NAALAD2: variants seen among roughly 807,000 people sequenced by gnomAD.
The protein encoded by NAALAD2 is N-acetylated-alpha-linked acidic dipeptidase 2.
In NAALAD2, 89 loss-of-function variants were observed where a neutral mutation model predicts 95.6. The observed-to-expected ratio is 0.93, with a 90% CI of 0.78 to 1.11. The LOEUF (loss-of-function observed/expected upper bound fraction) is 1.11. Ranked by LOEUF, NAALAD2 falls within the 50% of genes least tolerant of loss-of-function variation. NAALAD2 has a pLI of 0.00. For synonymous variants in NAALAD2, 264 were observed against 294.4 expected, an observed-to-expected ratio of 0.90 and a Z score of 1.06; for missense variants, 894 against 872.4, an observed-to-expected ratio of 1.02 and a Z score of -0.31.
intron 6 of NAALAD2, among the ~76,000 whole-genome samples, chr11:90,156,007 G>T (rs1418884739): frequency 1.3e-5 from 2 of 150,306 alleles, no homozygotes; most frequent in East Asian, 1.9e-4. Context: ...CATCTAACTT[G>T]CTGAATTTAT....
chr11:90,168,299 ACACT>A (rs1316276353), intron 11 of NAALAD2, among the ~76,000 whole-genome samples: 4 of 152,316 alleles, frequency 2.6e-5, no homozygotes, highest in South Asian at 2.1e-4. Flanking sequence ...AAGAACGGTA[ACACT>A]CACCGCGAGG....
At chr11:90,159,371 T>G (rs1952218936) in intron 8 of NAALAD2, 34 bp downstream of exon 8, 1 of 1,440,880 alleles carries the variant, frequency 6.9e-7, no homozygotes, top group African/African-American at 1.4e-5. Context: ...TCTGAAAAAG[T>G]TTTATATTTT....
At chr11:90,133,202 A>G (rs981318798), upstream of NAALAD2, among the ~76,000 whole-genome samples, 2 of 152,232 alleles carry the variant, frequency 1.3e-5, no homozygotes, top group South Asian at 2.1e-4. Context: ...ATATACTACC[A>G]TCTTTGAAAT....
At chr11:90,148,292 G>A (rs1951799060) in intron 3 of NAALAD2, among the ~76,000 whole-genome samples, 1 of 152,164 alleles carries the variant, frequency 6.6e-6, no homozygotes, top group African/African-American at 2.4e-5. Flanking sequence ...GAGGATGAGG[G>A]ATGGATTTCA....
chr11:90,164,618 T>C (rs1036641299), intron 11 of NAALAD2, among the ~76,000 whole-genome samples: 2 of 152,184 alleles, frequency 1.3e-5, no homozygotes, highest in Non-Finnish European at 2.9e-5. Flanking sequence ...ATAATATTTC[T>C]ATTGAGCTTT....
chr11:90,163,646 T>C, intron 11 of NAALAD2, 29 bp downstream of exon 11: 1 of 1,597,762 alleles, frequency 6.3e-7, no homozygotes, highest in Non-Finnish European at 8.6e-7. Flanking sequence ...GTTCTTATTA[T>C]TTTTTTGGTC....
intron 13 of NAALAD2, among the ~76,000 whole-genome samples, chr11:90,172,431 G>T (rs116302493): frequency 6.6e-6 from 1 of 152,144 alleles, no homozygotes; most frequent in African/African-American, 2.4e-5. Context: ...GAGGGCTTGT[G>T]TTATCAGTAG....
chr11:90,152,248 A>G (rs1220137713), intron 5 of NAALAD2, 50 bp from the exon 6 acceptor site: 2 of 1,493,236 alleles, frequency 1.3e-6, no homozygotes, highest in Admixed American at 3.8e-5. Flanking sequence ...TATATGAATA[A>G]GCCAACCATT....
intron 11 of NAALAD2, among the ~76,000 whole-genome samples, chr11:90,166,382 TCTTC>T (rs931248918): frequency 6.6e-5 from 10 of 152,176 alleles, no homozygotes; most frequent in African/African-American, 1.2e-4. Flanking sequence ...TAATTTTTTG[TCTTC>T]CTTTTTTCTT....
chr11:90,186,904 A>T (rs1857162045), intron 18 of NAALAD2, among the ~76,000 whole-genome samples: 1 of 135,582 alleles, frequency 7.4e-6, no homozygotes, highest in Admixed American at 7.8e-5. Context: ...ACAAAATGGG[A>T]GAAAATTTTC....
rs564398070 is a variant in NAALAD2 at position 90,185,766 on chromosome 11, A to T, written c.2033+2758A>T. Among the ~76,000 whole-genome samples the T allele has an allele frequency of 1.7e-3, 254 of 152,140 alleles. 1 individual carries two copies. Among genetic ancestry groups the T allele is most frequent in the African/African-American group, 5.8e-3 (242 of 41,508 alleles). On this transcript the variant is annotated intron_variant, in intron 18 of 18. Transcript: ENST00000534061. The stretch of plus-strand genomic sequence containing the variant: ...CAATTATTTACTATTATGAAAAGTA[A>T]TGGCATTGTATGGATGTCCTTGAGT...
At chr11:90,173,713 G>A in intron 13 of NAALAD2, 111 bp from the exon 14 acceptor site, 1 of 692,014 alleles carries the variant, frequency 1.4e-6, no homozygotes, top group Middle Eastern at 2.5e-4. Flanking sequence ...ATATATACAT[G>A]TACATATGTT....
chr11:90,152,798 A>G (rs16916535), intron 6 of NAALAD2, among the ~76,000 whole-genome samples: 2,081 of 152,230 alleles, frequency 0.014, 52 homozygotes, highest in African/African-American at 0.048. Context: ...GGTTTGCTGA[A>G]TTACCGATAG....
intron 2 of NAALAD2, among the ~76,000 whole-genome samples, chr11:90,145,480 A>C (rs969068042): frequency 1.3e-5 from 2 of 152,238 alleles, no homozygotes; most frequent in African/African-American, 4.8e-5. Flanking sequence ...AATTGTATAA[A>C]GTAGAAATTA....
intron 4 of NAALAD2, among the ~76,000 whole-genome samples, 159 bp from the exon 5 acceptor site, chr11:90,150,323 C>A (rs1951853193): frequency 6.6e-6 from 1 of 151,746 alleles, no homozygotes; most frequent in Non-Finnish European, 1.5e-5. Context: ...TTAAAAGATT[C>A]TCTAATGAAT....
At chr11:90,170,203 C>A in intron 13 of NAALAD2, 67 bp downstream of exon 13, 3 of 974,164 alleles carry the variant, frequency 3.1e-6, no homozygotes, top group South Asian at 1.4e-5. Flanking sequence ...TGTGTTCCCC[C>A]CTAAATTAAT....
intron 13 of NAALAD2, among the ~76,000 whole-genome samples, chr11:90,173,287 T>G (rs537601960): frequency 1.3e-5 from 2 of 152,292 alleles, no homozygotes; most frequent in South Asian, 4.1e-4. Flanking sequence ...TGTTTAAACA[T>G]AATAAGACTG....
chr11:90,177,832 G>T, intron 15 of NAALAD2, 21 bp from the exon 16 acceptor site: 1 of 1,584,220 alleles, frequency 6.3e-7, no homozygotes, highest in Non-Finnish European at 8.6e-7. Flanking sequence ...ATTTATACTT[G>T]CCTCTCCATT....
intron 5 of NAALAD2, 146 bp from the exon 6 acceptor site, chr11:90,152,152 G>T (rs1461231915): frequency 1.5e-6 from 1 of 656,912 alleles, no homozygotes; most frequent in African/African-American, 1.8e-5. Flanking sequence ...GGGAAATTGT[G>T]TTCAAAGCCA....
Sources: allele counts gnomAD v4.1 joint callset (sites outside exome capture counted in the v4.1 genomes callset), GRCh38; gene constraint gnomAD v4.1.1; transcripts MANE v1.5; gene names NCBI Gene and HGNC (gene_info 2026-07-23, HGNC 2026-07-21).